The following RAB4B variants were observed in gnomAD, a reference collection of about 807,000 sequenced individuals.
RAB4B encodes RAB4B, member RAS oncogene family.
RAB4B carries 15 observed loss-of-function variants against 28.3 expected under a neutral mutation model. That is an observed-to-expected ratio of 0.53 (90% CI 0.35 to 0.82). RAB4B has a LOEUF of 0.82. Ranked by LOEUF, RAB4B falls within the 40% of genes least tolerant of loss-of-function variation. RAB4B has a pLI of 0.01. For missense variants in RAB4B, 244 were observed against 288.5 expected (o/e 0.85, Z 1.12); for synonymous variants, 108 against 116.3 (o/e 0.93, Z 0.46).
intron 5 of RAB4B, chr19:40,786,385 C>T (rs745368718): frequency 7.2e-6 from 3 of 413,896 alleles, no homozygotes; most frequent in Non-Finnish European, 1.4e-5. Flanking sequence ...TAGGGGGCCA[C>T]AAGAAGCTGT....
chr19:40,780,973 G>A (rs1471512888), intron 3 of RAB4B, among the ~76,000 whole-genome samples: 1 of 151,758 alleles, frequency 6.6e-6, no homozygotes, highest in African/African-American at 2.4e-5. Context: ...GAGTTGAAGA[G>A]AATGATAAGG....
At chr19:40,778,797 G>C (rs1300835784) in intron 1 of RAB4B, among the ~76,000 whole-genome samples, 2 of 152,136 alleles carry the variant, frequency 1.3e-5, no homozygotes, top group East Asian at 3.9e-4. Flanking sequence ...GCTGGAGAGA[G>C]CTCTGGAATG....
chr19:40,790,663 C>A (rs2145059438), intron 7 of RAB4B, among the ~76,000 whole-genome samples: 1 of 103,416 alleles, frequency 9.7e-6, no homozygotes, highest in East Asian at 3.3e-4. Flanking sequence ...ATGAGCCTTT[C>A]CTTTTTTTTT....
intron 5 of RAB4B, 32 bp from the exon 6 acceptor site, chr19:40,786,633 G>T (rs762105674): frequency 6.2e-7 from 1 of 1,612,646 alleles, no homozygotes; most frequent in South Asian, 1.1e-5. Flanking sequence ...GGACTAACTG[G>T]GGCCCTGACC....
chr19:40,779,000 G>A (rs2083022383), intron 1 of RAB4B: 3 of 985,678 alleles, frequency 3.0e-6, no homozygotes, highest in Non-Finnish European at 3.6e-6. Context: ...GTCAGAGGGA[G>A]CCGCATTCAC....
At chr19:40,782,025 A>C (rs1292626845) in intron 3 of RAB4B, among the ~76,000 whole-genome samples, 3 of 83,012 alleles carry the variant, frequency 3.6e-5, no homozygotes, top group African/African-American at 8.3e-5. Context: ...CGTTTCAAAA[A>C]AAAAAAAAAA....
intron 7 of RAB4B, among the ~76,000 whole-genome samples, chr19:40,795,574 ATT>A (rs1194807568): frequency 6.7e-6 from 1 of 149,900 alleles, no homozygotes; most frequent in African/African-American, 2.5e-5. Flanking sequence ...TAATTTTTGT[ATT>A]TTTAGTAGAG....
chr19:40,789,265 C>T (rs1028705153), intron 7 of RAB4B, among the ~76,000 whole-genome samples: 6 of 151,826 alleles, frequency 4.0e-5, no homozygotes, highest in Non-Finnish European at 7.4e-5. Context: ...TGCAATGGCG[C>T]GATCTCAGCT....
chr19:40,782,203 AG>A (rs1189318593), intron 3 of RAB4B, among the ~76,000 whole-genome samples: 1 of 152,126 alleles, frequency 6.6e-6, no homozygotes, highest in African/African-American at 2.4e-5. Context: ...GAGGGGCTGA[AG>A]GATAGACAGG....
At chr19:40,783,147 CAAAAAAAA>C (rs1168587843) in intron 3 of RAB4B, among the ~76,000 whole-genome samples, 3,415 of 35,578 alleles carry the variant, frequency 0.096, 108 homozygotes, top group African/African-American at 0.25. Flanking sequence ...GATTCCTACT[CAAAAAAAA>C]AAAAAAAAAA....
Position 40,778,373 on chromosome 19 carries a change from G to T in RAB4B, c.-3G>T. Reference sequence around the variant, plus strand: ...TGCGGCCCTCAGCGGCCGCGACCGAGTCATGGCTGAGACCTACGGTGAGGG... The same window carrying T: ...TGCGGCCCTCAGCGGCCGCGACCGATTCATGGCTGAGACCTACGGTGAGGG... On this transcript the variant is annotated 5_prime_UTR_variant, in exon 1 of 8. Transcript: ENST00000357052. The T allele has an allele frequency of 6.7e-7, 1 of 1,482,266 alleles. No homozygotes were observed. The allele number at this position is 1,482,266 out of a possible 1,614,324, so 91.8% of individuals were successfully genotyped here. A position where few individuals can be genotyped will look rare whatever the true frequency, so the allele number is the denominator to read the frequency against.
intron 7 of RAB4B, among the ~76,000 whole-genome samples, chr19:40,794,997 C>CAAAAA (rs59417778): frequency 5.0e-5 from 5 of 99,936 alleles, no homozygotes; most frequent in Admixed American, 1.1e-4. Flanking sequence ...ACTAAAAATA[C>CAAAAA]AAAAAAAAAA....
chr19:40,783,904 T>C lies in RAB4B; in HGVS notation c.276-17T>C. The C allele has an allele frequency of 6.3e-7, 1 of 1,595,938 alleles. No individual in the cohort carries two copies. Among genetic ancestry groups the C allele is most frequent in the Non-Finnish European group, 8.6e-7 (1 of 1,167,040 alleles). On this transcript the variant is annotated splice_polypyrimidine_tract_variant and intron_variant, in intron 4 of 7. Coordinates refer to ENST00000357052, the MANE Select transcript of RAB4B (RefSeq NM_016154.5). ...TCCTCTCCTGCACTGCCTCCCTCCC[T>C]TCTCCCTTCTCCACAGCCGGGAGAC...
At position 40,783,830 on chromosome 19, in the gene RAB4B, G is replaced by A. The variant is rs745346571; in HGVS notation, c.265G>A (p.Asp89Asn). Residue 89 changes from aspartate (D) to asparagine (N), a missense_variant, in exon 4 of 8, where the codon GAC becomes AAC. By Grantham distance (23) the Asp-to-Asn change is conservative. Transcript: ENST00000357052. ...RGAAGALLVY[D>N]ITSRETYNSL... ...GGCGGCTGGAGCCCTGCTGGTGTAC[G>A]ACATCACCAGGTGGGTGCCCGGGGT... 4 of 1,251,158 alleles carry A rather than the reference G, an allele frequency of 3.2e-6. No individual in the cohort carries two copies. Among genetic ancestry groups the A allele is most frequent in the South Asian group, 1.2e-5 (1 of 81,310 alleles). 77.5% of individuals were successfully genotyped at this position (1,251,158 alleles called of 1,614,324 possible). A position where few individuals can be genotyped will look rare whatever the true frequency, so the allele number is the denominator to read the frequency against.
chr19:40,783,147 CA>C (rs1168587843), intron 3 of RAB4B, among the ~76,000 whole-genome samples: 525 of 35,728 alleles, frequency 0.015, no homozygotes, highest in Middle Eastern at 0.018. Flanking sequence ...GATTCCTACT[CA>C]AAAAAAAAAA....
rs752276208 is a variant in RAB4B, at chr19:40,786,743, T to G, written c.509T>G (p.Leu170Arg). 8 of 1,613,916 alleles carry G rather than the reference T, an allele frequency of 5.0e-6. No individual in the cohort carries two copies. The highest frequency in any genetic ancestry group is 1.6e-4 in the Middle Eastern group (1 of 6,084). ...TTCCTCAAGTGTGCCCGCACTATCC[T>G]CAACAAGATTGACTCAGGTGAGGCC... The part of the protein sequence containing the change: ...EAFLKCARTI[L>R]NKIDSGELDP... Residue 170 changes from leucine (L) to arginine (R), a missense_variant, in exon 6 of 8, where the codon CTC (leucine) becomes CGC (arginine). Coordinates refer to ENST00000357052, the MANE Select transcript of RAB4B (RefSeq NM_016154.5).
At position 40,778,359 on chromosome 19, in the gene RAB4B, G is replaced by T; in HGVS notation, c.-17G>T. On this transcript the variant is annotated 5_prime_UTR_variant, in exon 1 of 8. Transcript: ENST00000357052. ...CCGCGGCGCCATATTGCGGCCCTCA[G>T]CGGCCGCGACCGAGTCATGGCTGAG... 6.7e-7 allele frequency: 1 copy of T among 1,484,914 alleles called. No homozygotes were observed. The highest frequency in any genetic ancestry group is 8.9e-7 in the Non-Finnish European group (1 of 1,126,178). The allele number at this position is 1,484,914 out of a possible 1,614,324, so 92.0% of individuals were successfully genotyped here.
At position 40,780,510 on chromosome 19, in the gene RAB4B, T is replaced by A. The variant is rs1235395287; in HGVS notation, c.212+11T>A. ...CCAGGAGCGGTTTCGGTAGGTGGGCTGGGCTCCCAAGGGTGATGGGGAGAG... is the reference window on the plus strand; with the variant it reads ...CCAGGAGCGGTTTCGGTAGGTGGGCAGGGCTCCCAAGGGTGATGGGGAGAG... On this transcript the variant is annotated intron_variant, in intron 3 of 7. Transcript: ENST00000357052. The A allele has an allele frequency of 1.9e-6, 3 of 1,608,830 alleles. No homozygotes were observed. The highest frequency in any genetic ancestry group is 1.3e-5 in the African/African-American group (1 of 74,732).
At chr19:40,783,457 A>T (rs2083069650) in intron 3 of RAB4B, among the ~76,000 whole-genome samples, 1 of 152,164 alleles carries the variant, frequency 6.6e-6, no homozygotes, top group African/African-American at 2.4e-5. Flanking sequence ...AATAAAAAAT[A>T]AGACACACAT....
Sources: allele counts gnomAD v4.1 joint callset (sites outside exome capture counted in the v4.1 genomes callset), GRCh38; gene constraint gnomAD v4.1.1; transcripts MANE v1.5; gene names NCBI Gene and HGNC (gene_info 2026-07-23, HGNC 2026-07-21).